OPA3: variants seen among roughly 807,000 people sequenced by gnomAD.
The protein encoded by OPA3 is outer mitochondrial membrane lipid metabolism regulator OPA3.
A neutral mutation model predicts 4.0 loss-of-function variants in OPA3; 6 were observed. The ratio of observed to expected loss-of-function variants is 1.51; its 90% CI spans 0.83 to 2.99. OPA3 has a LOEUF of 2.99. OPA3 is among the 30% of genes most tolerant of loss of function. The pLI is 0.00. For missense variants in OPA3, 235 were observed against 256.2 expected, an observed-to-expected ratio of 0.92 and a Z score of 0.56; for synonymous variants, 105 against 117.1, an observed-to-expected ratio of 0.90 and a Z score of 0.67.
chr19:45,584,503 C>T (rs1969902769), intron 1 of OPA3, 120 bp downstream of exon 1: 3 of 1,584,230 alleles, frequency 1.9e-6, no homozygotes, highest in East Asian at 2.3e-5. Flanking sequence ...CCACTATTGG[C>T]CACTGGACTT....
At chr19:45,539,984 C>G (rs892417721) in intron 1 of OPA3, among the ~76,000 whole-genome samples, 2 of 152,060 alleles carry the variant, frequency 1.3e-5, no homozygotes, top group Non-Finnish European at 2.9e-5. Context: ...GTTGCATAAC[C>G]ATGTCAGTTT....
intron 1 of OPA3, among the ~76,000 whole-genome samples, chr19:45,568,794 A>G (rs1194918083): frequency 1.3e-5 from 2 of 151,984 alleles, no homozygotes; most frequent in Non-Finnish European, 2.9e-5. Flanking sequence ...CGGTGCTGGG[A>G]TGGGGATGTG....
rs373987075 is a variant in OPA3, at chr19:45,537,574, T to TAG, written c.143-8120_143-8119dup. Among the ~76,000 whole-genome samples the TAG allele has an allele frequency of 2.7e-3, 411 of 152,008 alleles. 2 individuals carry two copies. Among genetic ancestry groups the TAG allele is most frequent in the African/African-American group, 9.7e-3 (401 of 41,492 alleles). On this transcript the variant is annotated intron_variant, in intron 1 of 1. Coordinates refer to the OPA3 transcript ENST00000323060. Reference sequence around the variant, plus strand: ...CTCCTGCCAATCAAAAGGGGAAGGGTAGAGAACCTAGTGGAGAAGGACTTG... The same window carrying TAG: ...CTCCTGCCAATCAAAAGGGGAAGGGTAGAGAGAACCTAGTGGAGAAGGACTTG...
intron 1 of OPA3, among the ~76,000 whole-genome samples, chr19:45,569,246 G>A (rs1042021703): frequency 3.5e-4 from 53 of 152,284 alleles, no homozygotes; most frequent in African/African-American, 7.0e-4. Flanking sequence ...ATTACTTGAG[G>A]TCAGGAGTTC....
intron 1 of OPA3, among the ~76,000 whole-genome samples, chr19:45,536,760 G>C (rs553826404): frequency 6.6e-6 from 1 of 152,162 alleles, no homozygotes; most frequent in East Asian, 1.9e-4. Context: ...GACTTGTGAC[G>C]AAAGTGACAC....
chr19:45,560,959 G>A (rs1476083731), intron 1 of OPA3, among the ~76,000 whole-genome samples: 2 of 152,192 alleles, frequency 1.3e-5, no homozygotes, highest in African/African-American at 4.8e-5. Flanking sequence ...TGGCTGGAAT[G>A]CAACCCTTTC....
chr19:45,581,372 G>A (rs1342190200), intron 1 of OPA3, among the ~76,000 whole-genome samples: 1 of 152,136 alleles, frequency 6.6e-6, no homozygotes, highest in African/African-American at 2.4e-5. Context: ...CTGCCCCAGT[G>A]CTTTCCTTAC....
At chr19:45,554,019 T>A in intron 1 of OPA3, 108 bp from the exon 2 acceptor site, 1 of 837,592 alleles carries the variant, frequency 1.2e-6, no homozygotes, top group Non-Finnish European at 1.9e-6. Context: ...AGGGGTCTTT[T>A]AAAAGACCAG....
At chr19:45,568,650 G>A (rs551595507) in intron 1 of OPA3, among the ~76,000 whole-genome samples, 70 of 152,216 alleles carry the variant, frequency 4.6e-4, no homozygotes, top group Non-Finnish European at 8.8e-4. Context: ...TACCAGAGGG[G>A]CATGACTGGT....
In OPA3 at chr19:45,552,030, T is replaced by C. The variant is rs1463671475; in HGVS notation, c.*1484A>G. 1 of 985,378 alleles carries C rather than the reference T, an allele frequency of 1.0e-6. No individual in the cohort carries two copies. The highest frequency in any genetic ancestry group is 1.2e-6 in the Non-Finnish European group (1 of 830,090). 61.0% of individuals were successfully genotyped at this position (985,378 alleles called of 1,614,324 possible). On this transcript the variant is annotated 3_prime_UTR_variant, in exon 2 of 2. Coordinates refer to ENST00000263275, the MANE Select transcript of OPA3 (RefSeq NM_025136.4). Reference sequence around the variant, plus strand: ...GAAGGACAGGCTGGATTAGCCCTAGTTAGGATCAAATTTCCCACCACGGAA... The same window carrying C: ...GAAGGACAGGCTGGATTAGCCCTAGCTAGGATCAAATTTCCCACCACGGAA...
rs535683352 is a variant in OPA3 at position 45,553,630 on chromosome 19, C to T, written c.424G>A (p.Ala142Thr). The stretch of plus-strand genomic sequence containing the variant: ...TCCAGGGCGCCCTGTGGCGGCGCCG[C>T]CTGCACCTGCGCCTGCAGCGCTTCC... ...ALEALQAQVQAAPPQGALEEL... is the reference protein window; with the variant it reads ...ALEALQAQVQTAPPQGALEEL... The change falls in exon 2 of 2, where the codon GCG becomes ACG. Residue 142 changes from alanine to threonine, a missense_variant. Ala to Thr is a moderately conservative substitution (Grantham distance 58). Transcript: ENST00000263275. 3 of 1,606,548 alleles carry T rather than the reference C, an allele frequency of 1.9e-6. No homozygotes were observed. In the South Asian group the frequency reaches 3.3e-5, roughly 18 times the overall value.
intron 1 of OPA3, among the ~76,000 whole-genome samples, chr19:45,555,699 GC>G (rs963355828): frequency 1.7e-4 from 26 of 152,078 alleles, no homozygotes; most frequent in African/African-American, 6.3e-4. Flanking sequence ...CACCGTGTTA[GC>G]CAGGATGGTC....
At chr19:45,545,480 G>A (rs190712915), downstream of OPA3, among the ~76,000 whole-genome samples, 32 of 151,900 alleles carry the variant, frequency 2.1e-4, no homozygotes, top group African/African-American at 6.3e-4. Context: ...GCAGTGAGCC[G>A]TGATTGCACC....
At position 45,552,467 on chromosome 19, in the gene OPA3, G is replaced by C. The variant is rs1481285266; in HGVS notation, c.*1047C>G. ...CCGACCTCCCGACTTCAAATGACCC[G>C]CCCACCTCGACCTTCCAAAGTGCTG... On this transcript the variant is annotated 3_prime_UTR_variant, in exon 2 of 2. Coordinates refer to ENST00000263275, the MANE Select transcript of OPA3 (RefSeq NM_025136.4). The C allele has an allele frequency of 6.6e-6, 1 of 151,078 alleles. No individual in the cohort carries two copies. The highest frequency in any genetic ancestry group is 6.6e-5 in the Admixed American group (1 of 15,078). 9.4% of individuals were successfully genotyped at this position (151,078 alleles called of 1,614,324 possible).
At chr19:45,539,693 G>T (rs2122393033) in intron 1 of OPA3, among the ~76,000 whole-genome samples, 1 of 151,640 alleles carries the variant, frequency 6.6e-6, no homozygotes, top group African/African-American at 2.4e-5. Flanking sequence ...GGCTGAGGTT[G>T]CAGTGAGCAG....
In OPA3 at chr19:45,549,353, G is replaced by A. The variant is rs1354228630; in HGVS notation, c.*4161C>T. On this transcript the variant is annotated 3_prime_UTR_variant, in exon 2 of 2. Transcript: ENST00000263275. Reference sequence around the variant, plus strand: ...GATGGCCCTGCTGCCCACGATGACTGGCTGCCTGTCAGGGCAGGGCAGGGC... The same window carrying A: ...GATGGCCCTGCTGCCCACGATGACTAGCTGCCTGTCAGGGCAGGGCAGGGC... The A allele has an allele frequency of 1.1e-6, 1 of 937,236 alleles. No homozygotes were observed. The highest frequency in any genetic ancestry group is 2.4e-5 in the African/African-American group (1 of 41,126). 58.1% of individuals were successfully genotyped at this position (937,236 alleles called of 1,614,324 possible).
chr19:45,583,817 G>A (rs1969891163), intron 1 of OPA3, among the ~76,000 whole-genome samples: 1 of 152,150 alleles, frequency 6.6e-6, no homozygotes, highest in African/African-American at 2.4e-5. Flanking sequence ...ATGCCCTTTA[G>A]ATCTGAGCTC....
At chr19:45,559,393 CTTTCTTTTT>C (rs1223821928) in intron 1 of OPA3, among the ~76,000 whole-genome samples, 2 of 97,824 alleles carry the variant, frequency 2.0e-5, no homozygotes, top group Non-Finnish European at 3.7e-5. Flanking sequence ...CCCTCTTTTT[CTTTCTTTTT>C]TTTTTTTTTT....
chr19:45,531,515 T>G (rs749605373), intron 1 of OPA3, among the ~76,000 whole-genome samples: 1 of 152,224 alleles, frequency 6.6e-6, no homozygotes, highest in Non-Finnish European at 1.5e-5. Flanking sequence ...CTGTCCTCCT[T>G]CATACTGCTC....
Sources: allele counts gnomAD v4.1 joint callset (sites outside exome capture counted in the v4.1 genomes callset), GRCh38; gene constraint gnomAD v4.1.1; transcripts MANE v1.5; gene names NCBI Gene and HGNC (gene_info 2026-07-23, HGNC 2026-07-21).